The following CPNE4 variants were observed in gnomAD, a reference collection of about 807,000 sequenced individuals.
The protein encoded by CPNE4 is copine-4.
Under a neutral mutation model 67.9 loss-of-function variants are expected in CPNE4, and 25 were observed. The ratio of observed to expected loss-of-function variants is 0.37; its 90% CI spans 0.27 to 0.51. The LOEUF (loss-of-function observed/expected upper bound fraction) is 0.51, where lower values mean the gene tolerates loss of function less well. Among genes scored for constraint, CPNE4 ranks in the 20% least tolerant of loss-of-function variants. The pLI, the probability that CPNE4 is intolerant of heterozygous loss-of-function variation, is 0.93. For missense variants in CPNE4, 464 were observed against 690.8 expected (o/e 0.67, Z 3.68); for synonymous variants, 242 against 244.9 (o/e 0.99, Z 0.11).
intron 1 of CPNE4, among the ~76,000 whole-genome samples, chr3:131,996,893 C>T (rs970444905): frequency 6.6e-6 from 1 of 152,024 alleles, no homozygotes; most frequent in Non-Finnish European, 1.5e-5. Flanking sequence ...TGAAACAGTC[C>T]AAAATGTACA....
At chr3:131,766,553 G>T (rs1253695710) in intron 2 of CPNE4, among the ~76,000 whole-genome samples, 1 of 152,134 alleles carries the variant, frequency 6.6e-6, no homozygotes, top group East Asian at 1.9e-4. Context: ...ATAGGGAAGA[G>T]ATGGGCACAA....
At chr3:131,950,127 G>T (rs1022517681) in intron 1 of CPNE4, among the ~76,000 whole-genome samples, 1 of 152,234 alleles carries the variant, frequency 6.6e-6, no homozygotes, top group Admixed American at 6.5e-5. Context: ...GGAAATAAAG[G>T]GTTAGGCCCC....
intron 1 of CPNE4, among the ~76,000 whole-genome samples, chr3:131,943,868 A>G (rs1428544972): frequency 6.6e-6 from 1 of 152,128 alleles, no homozygotes; most frequent in Non-Finnish European, 1.5e-5. Context: ...AAGTCCCCTC[A>G]AACATACCAG....
At chr3:131,560,819 T>C (rs1936722875) in intron 11 of CPNE4, among the ~76,000 whole-genome samples, 1 of 152,026 alleles carries the variant, frequency 6.6e-6, no homozygotes, top group Non-Finnish European at 1.5e-5. Flanking sequence ...ATTTCCAGGA[T>C]GCACACCAGA....
chr3:131,871,389 A>G (rs13058759), intron 2 of CPNE4, among the ~76,000 whole-genome samples: 35,411 of 152,022 alleles, frequency 0.23, 4,726 homozygotes, highest in South Asian at 0.36. Context: ...GGAGATCTTT[A>G]AGAATAGGGC....
At chr3:131,580,054 ATTG>A (rs1937696941) in intron 9 of CPNE4, among the ~76,000 whole-genome samples, 1 of 152,148 alleles carries the variant, frequency 6.6e-6, no homozygotes, top group Non-Finnish European at 1.5e-5. Flanking sequence ...GAGAAACTTC[ATTG>A]TTGTCTTATT....
At chr3:131,871,551 T>G (rs1426423379) in intron 2 of CPNE4, among the ~76,000 whole-genome samples, 3 of 152,158 alleles carry the variant, frequency 2.0e-5, no homozygotes, top group Non-Finnish European at 4.4e-5. Context: ...GGGAATGAAG[T>G]GTATCAACAT....
intron 1 of CPNE4, among the ~76,000 whole-genome samples, chr3:131,928,705 C>A (rs997867375): frequency 6.6e-6 from 1 of 152,210 alleles, no homozygotes; most frequent in Admixed American, 6.5e-5. Context: ...GAGCAAACAT[C>A]CTGAAGTGAC....
chr3:131,912,063 G>A (rs975818078), intron 1 of CPNE4, among the ~76,000 whole-genome samples: 1 of 151,634 alleles, frequency 6.6e-6, no homozygotes, highest in Non-Finnish European at 1.5e-5. Context: ...CATTCTCCAT[G>A]GCTGATTTAA....
In CPNE4 at chr3:131,926,949, G is replaced by T. The variant is rs577631120; in HGVS notation, c.-1-21505C>A. ...GATGGGGTAATAAGAGAGGGGTACAGAATTGAGTTATAGAATTAGGGTGTG... is the reference window on the plus strand; with the variant it reads ...GATGGGGTAATAAGAGAGGGGTACATAATTGAGTTATAGAATTAGGGTGTG... On this transcript the variant is annotated intron_variant, in intron 1 of 15. Transcript: ENST00000429747. 2.0e-5 allele frequency among the ~76,000 whole-genome samples: 3 copies of T among 152,248 alleles called. No individual in the cohort carries two copies. In the South Asian group the frequency reaches 6.2e-4, roughly 32 times the overall value.
chr3:131,980,820 G>T (rs1209592733), intron 1 of CPNE4, among the ~76,000 whole-genome samples: 3 of 152,130 alleles, frequency 2.0e-5, no homozygotes, highest in Non-Finnish European at 4.4e-5. Flanking sequence ...ATTTGGGTAG[G>T]CTCTGTCAGA....
chr3:131,791,231 G>C (rs2083709422), intron 2 of CPNE4, among the ~76,000 whole-genome samples: 1 of 152,146 alleles, frequency 6.6e-6, no homozygotes, highest in Non-Finnish European at 1.5e-5. Context: ...TTACAACTGA[G>C]AAATTTTTTC....
intron 10 of CPNE4, among the ~76,000 whole-genome samples, chr3:131,572,878 C>T (rs1458068305): frequency 1.3e-5 from 2 of 152,164 alleles, no homozygotes; most frequent in East Asian, 3.9e-4. Flanking sequence ...CATCTCTCTG[C>T]CACTTCCTTT....
At position 131,848,956 on chromosome 3, in the gene CPNE4, C is replaced by CAAAAAAA. The variant is rs67407668; in HGVS notation, c.180+56301_180+56307dup. Among the ~76,000 whole-genome samples the CAAAAAAA allele has an allele frequency of 5.0e-4, 40 of 79,632 alleles. 3 individuals are homozygous for CAAAAAAA. The highest frequency in any genetic ancestry group is 1.9e-3 in the East Asian group (5 of 2,684). The allele number at this position is 79,632 out of a possible 152,430, so 52.2% of individuals were successfully genotyped here. A position where few individuals can be genotyped will look rare whatever the true frequency, so the allele number is the denominator to read the frequency against. ...ACTGGTGGAATGACAGTAGTGATTA[C>CAAAAAAA]AAAAAAAAAAAAAAAAAAAAAAAAA... On this transcript the variant is annotated intron_variant, in intron 2 of 15. Coordinates refer to ENST00000429747, the MANE Select transcript of CPNE4 (RefSeq NM_130808.3).
chr3:131,539,936 C>G lies in CPNE4; in HGVS notation c.1539+2621G>C, dbSNP rs572698669. On this transcript the variant is annotated intron_variant, in intron 15 of 15. Coordinates refer to ENST00000429747, the MANE Select transcript of CPNE4 (RefSeq NM_130808.3). Reference sequence around the variant, plus strand: ...GCTTCATTAATGAACATAATTGCAGCAAATTTAGCCTGCTCTAGCTCATCC... The same window carrying G: ...GCTTCATTAATGAACATAATTGCAGGAAATTTAGCCTGCTCTAGCTCATCC... Among the ~76,000 whole-genome samples the G allele has an allele frequency of 3.9e-5, 6 of 152,298 alleles. No homozygotes were observed. The South Asian group carries it at 1.2e-3, about 32-fold the overall frequency.
intron 1 of CPNE4, among the ~76,000 whole-genome samples, chr3:131,908,964 T>G (rs733344): frequency 0.2 from 31,105 of 152,126 alleles, 3,866 homozygotes; most frequent in Non-Finnish European, 0.27. Flanking sequence ...GTAGCTATTG[T>G]TATTGTGCTC....
At position 131,765,816 on chromosome 3, in the gene CPNE4, GA is replaced by G. The variant is rs1315301969; in HGVS notation, c.181-42192del. The stretch of plus-strand genomic sequence containing the variant: ...GCTACATCACCAAGAAGGCTGCAAG[GA>G]AAAACTTATGATGAAGGAGGGCTGA... On this transcript the variant is annotated intron_variant, in intron 2 of 15. Transcript: ENST00000429747. Among the ~76,000 whole-genome samples the G allele has an allele frequency of 5.3e-5, 8 of 152,192 alleles. No homozygotes were observed. The East Asian group carries it at 1.5e-3, about 29-fold the overall frequency.
intron 1 of CPNE4, among the ~76,000 whole-genome samples, chr3:131,962,971 A>T (rs2072228078): frequency 6.6e-6 from 1 of 152,224 alleles, no homozygotes; most frequent in African/African-American, 2.4e-5. Context: ...AAGATGGTCA[A>T]ATAGGAACAG....
At chr3:131,765,500 T>C (rs1220660828) in intron 2 of CPNE4, among the ~76,000 whole-genome samples, 1 of 152,038 alleles carries the variant, frequency 6.6e-6, no homozygotes, top group Non-Finnish European at 1.5e-5. Context: ...CCCAACCAGT[T>C]CTCTGTCTTG....
Sources: allele counts gnomAD v4.1 joint callset (sites outside exome capture counted in the v4.1 genomes callset), GRCh38; gene constraint gnomAD v4.1.1; transcripts MANE v1.5; gene names NCBI Gene and HGNC (gene_info 2026-07-23, HGNC 2026-07-21).